BTBD9: variants seen among roughly 807,000 people sequenced by gnomAD.
The protein encoded by BTBD9 is BTB/POZ domain-containing protein 9.
Under a neutral mutation model 64.3 loss-of-function variants are expected in BTBD9, and 49 were observed. The observed-to-expected ratio is 0.76, with a 90% CI of 0.61 to 0.97. The LOEUF (loss-of-function observed/expected upper bound fraction) is 0.97. Ranked by LOEUF, BTBD9 falls within the 50% of genes least tolerant of loss-of-function variation. The pLI is 0.00. For missense variants in BTBD9, 598 were observed against 762.1 expected (o/e 0.78, Z 2.53); for synonymous variants, 260 against 274.7 (o/e 0.95, Z 0.53).
At chr6:38,192,618 T>C (rs1230984565) in intron 9 of BTBD9, 21 bp from the exon 10 acceptor site, 2 of 1,606,526 alleles carry the variant, frequency 1.2e-6, no homozygotes, top group Non-Finnish European at 1.7e-6. Flanking sequence ...AAACAACCAT[T>C]TGCCTGATTA....
At position 38,592,847 on chromosome 6, in the gene BTBD9, AG is replaced by A; in HGVS notation, c.550-8del. 1 of 1,612,464 alleles carries A rather than the reference AG, an allele frequency of 6.2e-7. No homozygotes were observed. Among genetic ancestry groups the A allele is most frequent in the Non-Finnish European group, 8.5e-7 (1 of 1,178,834 alleles). ...CGATGTTTAAAAGTGCTGTCTGAAA[AG>A]GATAAAAAGGTAAAATTCCAGTTAT... On this transcript the variant is annotated splice_polypyrimidine_tract_variant and splice_region_variant and intron_variant, in intron 3 of 10. Coordinates refer to ENST00000481247, the MANE Select transcript of BTBD9 (RefSeq NM_001099272.2).
chr6:38,331,559 A>G (rs1404659089), intron 7 of BTBD9, among the ~76,000 whole-genome samples: 1 of 152,216 alleles, frequency 6.6e-6, no homozygotes, highest in Non-Finnish European at 1.5e-5. Context: ...AAGTTGAAAT[A>G]CAAAAACATT....
At chr6:38,577,960 TC>T (rs578191044) in intron 5 of BTBD9, among the ~76,000 whole-genome samples, 110 of 152,284 alleles carry the variant, frequency 7.2e-4, no homozygotes, top group African/African-American at 2.5e-3. Flanking sequence ...ACAAAGGCCA[TC>T]CTGTACTTAT....
At chr6:38,298,632 C>T (rs77793868) in intron 7 of BTBD9, among the ~76,000 whole-genome samples, 1 of 152,134 alleles carries the variant, frequency 6.6e-6, no homozygotes. Context: ...TACCCTTTAA[C>T]CAGTCTCCCT....
chr6:38,382,145 G>C (rs1765961031), intron 6 of BTBD9, among the ~76,000 whole-genome samples: 1 of 152,166 alleles, frequency 6.6e-6, no homozygotes. Flanking sequence ...TGCAGTAAGA[G>C]AGCACTGTGG....
At chr6:38,416,337 CT>C (rs35793205) in intron 6 of BTBD9, among the ~76,000 whole-genome samples, 2,978 of 138,492 alleles carry the variant, frequency 0.022, 89 homozygotes, top group African/African-American at 0.07. Flanking sequence ...CCCCTCTGTA[CT>C]TTTTTTTTTT....
chr6:38,245,007 C>G (rs958449547), intron 9 of BTBD9, among the ~76,000 whole-genome samples: 5 of 152,160 alleles, frequency 3.3e-5, no homozygotes, highest in African/African-American at 1.2e-4. Flanking sequence ...AATGACACCT[C>G]CAGACAGTAA....
intron 9 of BTBD9, among the ~76,000 whole-genome samples, chr6:38,208,446 A>G (rs1762727698): frequency 6.7e-6 from 1 of 149,306 alleles, no homozygotes; most frequent in African/African-American, 2.5e-5. Context: ...TATGAGAGAG[A>G]GAGCATTTTC....
chr6:38,436,441 T>C (rs571524105), intron 6 of BTBD9, among the ~76,000 whole-genome samples: 1 of 147,160 alleles, frequency 6.8e-6, no homozygotes, highest in South Asian at 2.1e-4. Context: ...AACGGCACGA[T>C]CTCGGCTCAC....
intron 2 of BTBD9, 41 bp downstream of exon 2, chr6:38,597,869 A>T: frequency 1.3e-6 from 2 of 1,562,510 alleles, no homozygotes; most frequent in Non-Finnish European, 1.8e-6. Context: ...AGTGTTTTCT[A>T]CAAGTGAACT....
chr6:38,188,282 C>A (rs539206423), intron 10 of BTBD9, among the ~76,000 whole-genome samples: 1 of 152,376 alleles, frequency 6.6e-6, no homozygotes, highest in South Asian at 2.1e-4. Context: ...AAACAGCCAG[C>A]TGCTCTGCTA....
intron 4 of BTBD9, among the ~76,000 whole-genome samples, chr6:38,583,933 T>C (rs1313195022): frequency 6.6e-6 from 1 of 152,150 alleles, no homozygotes; most frequent in East Asian, 1.9e-4. Flanking sequence ...GGAAGAATCA[T>C]CATGAGAAAA....
At chr6:38,206,963 A>C (rs1762676925) in intron 9 of BTBD9, among the ~76,000 whole-genome samples, 1 of 152,236 alleles carries the variant, frequency 6.6e-6, no homozygotes, top group Non-Finnish European at 1.5e-5. Context: ...TGCCAGAGGA[A>C]GTACAAGTTG....
chr6:38,546,486 C>T (rs1029113230), intron 6 of BTBD9, among the ~76,000 whole-genome samples: 1 of 152,116 alleles, frequency 6.6e-6, no homozygotes, highest in Non-Finnish European at 1.5e-5. Context: ...TGATTTATGA[C>T]ACTGCAGATA....
At chr6:38,450,075 T>C (rs563001691) in intron 6 of BTBD9, among the ~76,000 whole-genome samples, 2 of 152,292 alleles carry the variant, frequency 1.3e-5, no homozygotes, top group African/African-American at 4.8e-5. Flanking sequence ...GATACATAAA[T>C]GGAATACTAT....
intron 10 of BTBD9, among the ~76,000 whole-genome samples, chr6:38,187,636 G>A (rs961987580): frequency 6.6e-6 from 1 of 152,178 alleles, no homozygotes; most frequent in Non-Finnish European, 1.5e-5. Flanking sequence ...CAGTGGGGGG[G>A]AGTGAAAGTG....
At chr6:38,245,565 A>G (rs1764160163) in intron 9 of BTBD9, among the ~76,000 whole-genome samples, 1 of 152,200 alleles carries the variant, frequency 6.6e-6, no homozygotes, top group African/African-American at 2.4e-5. Context: ...AGGGCACTCT[A>G]GGCCACGCAA....
intron 6 of BTBD9, among the ~76,000 whole-genome samples, chr6:38,514,094 C>G (rs1166937495): frequency 6.6e-6 from 1 of 152,218 alleles, no homozygotes; most frequent in Non-Finnish European, 1.5e-5. Flanking sequence ...AGCAGACTAT[C>G]TGACTATTCA....
At chr6:38,504,676 T>C (rs1230392039) in intron 6 of BTBD9, 2 of 447,766 alleles carry the variant, frequency 4.5e-6, no homozygotes, top group African/African-American at 4.0e-5. Context: ...CCTAGAATGT[T>C]TCCTATATAA....
Sources: allele counts gnomAD v4.1 joint callset (sites outside exome capture counted in the v4.1 genomes callset), GRCh38; gene constraint gnomAD v4.1.1; transcripts MANE v1.5; gene names NCBI Gene and HGNC (gene_info 2026-07-23, HGNC 2026-07-21).